Variants in CHD9 observed in about 807,000 individuals in gnomAD.
CHD9 encodes the protein chromodomain helicase DNA binding protein 9, also known as ATP-dependent chromatin remodeler CHD9.
In CHD9, 77 loss-of-function variants were observed where a neutral mutation model predicts 316.1. The ratio of observed to expected loss-of-function variants is 0.24; its 90% confidence interval spans 0.20 to 0.29. CHD9 has a LOEUF of 0.29. Among genes scored for constraint, CHD9 ranks in the 10% least tolerant of loss-of-function variants. The pLI, the probability that CHD9 is intolerant of heterozygous loss-of-function variation, is 1.00. For synonymous variants in CHD9, 1,129 were observed against 1,158.3 expected (o/e 0.97, Z 0.51); for missense variants, 2,763 against 3,438.1 (o/e 0.80, Z 4.91).
At chr16:53,320,240 T>C (rs1046470261) in intron 37 of CHD9, among the ~76,000 whole-genome samples, 1 of 149,126 alleles carries the variant, frequency 6.7e-6, no homozygotes, top group South Asian at 2.1e-4. Context: ...AGAATACTTG[T>C]GTTGGGTGCA....
In CHD9 at chr16:53,157,179, C is replaced by T. The variant is rs769335335; in HGVS notation, c.1090C>T (p.Pro364Ser). Residue 364 changes from proline to serine, a missense_variant, in exon 2 of 39, where the codon CCT (proline) becomes TCT (serine). Physicochemically the swap from Pro to Ser is moderately conservative, Grantham distance 74. Coordinates refer to ENST00000447540, the MANE Select transcript of CHD9 (RefSeq NM_001308319.2). ...TCCTGTGCACATGAACTTCCCAGAT[C>T]CTGTTGACTCAGGAACTCAAATGGG... ...LSPVHMNFPD[P>S]VDSGTQMGHF... 3 of 1,608,582 alleles carry T rather than the reference C, an allele frequency of 1.9e-6. No homozygotes were observed. The highest frequency in any genetic ancestry group is 2.5e-6 in the Non-Finnish European group (3 of 1,176,942).
At chr16:53,168,654 T>G (rs1168258901) in intron 2 of CHD9, 1 of 152,168 alleles carries the variant, frequency 6.6e-6, no homozygotes, top group Non-Finnish European at 1.5e-5. Flanking sequence ...TGCAAAACTT[T>G]CAGTGGCAAA....
chr16:53,092,984 G>T (rs938510112), intron 1 of CHD9, among the ~76,000 whole-genome samples: 2 of 152,240 alleles, frequency 1.3e-5, no homozygotes, highest in Admixed American at 1.3e-4. Flanking sequence ...TCACTATGTC[G>T]CCAGGGCTGG....
intron 2 of CHD9, among the ~76,000 whole-genome samples, chr16:53,204,964 C>T (rs1295870430): frequency 6.6e-6 from 1 of 152,066 alleles, no homozygotes; most frequent in Non-Finnish European, 1.5e-5. Context: ...CTGCCTCAGC[C>T]CCCTGAGTAA....
At chr16:53,252,771 C>T (rs981586586) in intron 17 of CHD9, among the ~76,000 whole-genome samples, 5 of 148,518 alleles carry the variant, frequency 3.4e-5, no homozygotes, top group Non-Finnish European at 5.9e-5. Context: ...AGAAGATATA[C>T]AAATGGCTGA....
intron 3 of CHD9, among the ~76,000 whole-genome samples, chr16:53,212,710 G>A (rs1039974627): frequency 6.6e-6 from 1 of 152,014 alleles, no homozygotes; most frequent in Non-Finnish European, 1.5e-5. Context: ...TGTGATAATG[G>A]GGTTAAATTC....
rs757912937 is a variant in CHD9 at position 53,231,735 on chromosome 16, T to C, written c.2462T>C (p.Ile821Thr). 10 of 1,611,922 alleles carry C rather than the reference T, an allele frequency of 6.2e-6. No individual in the cohort carries two copies. The highest frequency in any genetic ancestry group is 5.0e-5 in the Admixed American group (3 of 59,714). The change falls in exon 10 of 39, where the codon ATA becomes ACA. Residue 821 changes from isoleucine (I) to threonine (T), a missense_variant. By Grantham distance (89) the Ile-to-Thr change is moderately conservative. This residue lies in a region of CHD9 where 186 missense variants were observed against 245.0 expected (regional missense o/e 0.76). Transcript: ENST00000447540. Reference protein sequence around the residue: ...ELKEDVDLAKIEEFEQLQASR... With the variant: ...ELKEDVDLAKTEEFEQLQASR... ...AAAGAAGATGTAGATCTTGCAAAAA[T>C]AGAAGAGTTTGAACAACTGCAAGCT...
At chr16:53,317,315 A>G (rs576655555) in intron 36 of CHD9, among the ~76,000 whole-genome samples, 3 of 152,334 alleles carry the variant, frequency 2.0e-5, no homozygotes, top group South Asian at 4.1e-4. Flanking sequence ...GGTTCAGGCC[A>G]TGATGGGACT....
At chr16:53,107,610 G>A (rs1430565483) in intron 1 of CHD9, among the ~76,000 whole-genome samples, 3 of 151,648 alleles carry the variant, frequency 2.0e-5, no homozygotes, top group Non-Finnish European at 4.4e-5. Context: ...TTGAGCCCAG[G>A]AGGTGAAGCT....
chr16:53,243,079 A>G, intron 13 of CHD9, 63 bp downstream of exon 13: 1 of 1,194,976 alleles, frequency 8.4e-7, no homozygotes, highest in Non-Finnish European at 1.2e-6. Context: ...GAAAGGTTAT[A>G]GAGTTAATGC....
chr16:53,253,991 A>G (rs1484616262), intron 17 of CHD9, among the ~76,000 whole-genome samples: 1 of 152,204 alleles, frequency 6.6e-6, no homozygotes, highest in Non-Finnish European at 1.5e-5. Context: ...AGCCTGGCCA[A>G]CATGGTGAAA....
At position 53,304,191 on chromosome 16, in the gene CHD9, A is replaced by C. The variant is rs1409576482; in HGVS notation, c.6185A>C (p.Glu2062Ala). Residue 2062 changes from glutamate (E) to alanine (A), a missense_variant, in exon 31 of 39, where the codon GAA becomes GCA. Glu to Ala is a moderately radical substitution (Grantham distance 107, BLOSUM62 -1). This residue lies in a region of CHD9 where 663 missense variants were observed against 751.2 expected (regional missense o/e 0.88). Coordinates refer to ENST00000447540, the MANE Select transcript of CHD9 (RefSeq NM_001308319.2). The part of the protein sequence containing the change: ...LKEEPQSSEE[E>A]SMSSVETRTL... ...GAGGAGCCTCAGTCTTCTGAAGAAG[A>C]ATCTATGTCTTCTGTGGAAACCAGG... 2.5e-6 allele frequency: 4 copies of C among 1,611,938 alleles called. No individual in the cohort carries two copies. The Admixed American group carries it at 6.7e-5, about 27-fold the overall frequency.
intron 1 of CHD9, among the ~76,000 whole-genome samples, chr16:53,098,386 G>T (rs1412239102): frequency 6.7e-6 from 1 of 150,090 alleles, no homozygotes; most frequent in Non-Finnish European, 1.5e-5. Context: ...TGAGGCAGGA[G>T]AATTGCTTGA....
chr16:53,247,175 G>T (rs2049709215), intron 15 of CHD9, 118 bp from the exon 16 acceptor site: 5 of 688,980 alleles, frequency 7.3e-6, no homozygotes, highest in Admixed American at 2.7e-5. Flanking sequence ...CAATGTACAT[G>T]CCATTAGAAA....
At chr16:53,254,852 A>G (rs1356950986) in intron 18 of CHD9, among the ~76,000 whole-genome samples, 1 of 152,204 alleles carries the variant, frequency 6.6e-6, no homozygotes, top group Admixed American at 6.5e-5. Context: ...TCTTTTTAGG[A>G]CATTTGTATG....
chr16:53,238,986 G>A (rs2048855766), intron 12 of CHD9, among the ~76,000 whole-genome samples: 1 of 152,022 alleles, frequency 6.6e-6, no homozygotes, highest in Admixed American at 6.6e-5. Context: ...AATACCACAG[G>A]CTTAAATGCC....
rs35198193 is a variant in CHD9, at chr16:53,229,052, C to T, written c.2238C>T (p.Ile746=). The T allele has an allele frequency of 0.14, 216,402 of 1,593,134 alleles. 16,205 individuals carry two copies. Among genetic ancestry groups the T allele is most frequent in the East Asian group, 0.22 (9,561 of 44,264 alleles). The change falls in exon 8 of 39, where the codon ATC becomes ATT. Residue 746 remains isoleucine, a synonymous_variant. Transcript: ENST00000447540. ...LLKDKRIQQK[I]KRFKLRQAQR... is the part of the protein sequence containing the mutation. ...AAGATAAAAGGATCCAGCAGAAAAT[C>T]AAACGATTCAAATTGAGACAAGCAC...
At chr16:53,216,401 A>C (rs904951707) in intron 3 of CHD9, among the ~76,000 whole-genome samples, 4 of 152,216 alleles carry the variant, frequency 2.6e-5, no homozygotes, top group Non-Finnish European at 5.9e-5. Flanking sequence ...AATTTACTAA[A>C]AGATAATATA....
intron 27 of CHD9, among the ~76,000 whole-genome samples, chr16:53,291,156 T>C (rs1220449460): frequency 6.6e-6 from 1 of 152,242 alleles, no homozygotes. Flanking sequence ...AAAGGAATTA[T>C]GATTCTAACT....
Sources: gnomAD v4.1 joint callset for allele counts (sites outside exome capture counted in the v4.1 genomes callset) on GRCh38, gnomAD v4.1.1 for gene constraint, gnomAD v4.1.1 regional missense constraint, MANE v1.5 for transcripts, NCBI Gene and HGNC (gene_info 2026-07-23, HGNC 2026-07-21) for gene names.